The following SDK1 variants were observed in gnomAD, a reference collection of about 807,000 sequenced individuals.
SDK1 encodes sidekick cell adhesion molecule 1.
Under a neutral mutation model 245.5 loss-of-function variants are expected in SDK1, and 157 were observed. The observed-to-expected ratio is 0.64, with a 90% CI of 0.56 to 0.73. The LOEUF is 0.73. SDK1 is among the 30% of genes least tolerant of loss of function. The pLI is 0.00. For synonymous variants in SDK1, 1,647 were observed against 1,278.5 expected, an observed-to-expected ratio of 1.29 and a Z score of -6.15; for missense variants, 3,583 against 3,002.3, an observed-to-expected ratio of 1.19 and a Z score of -4.52.
intron 30 of SDK1, among the ~76,000 whole-genome samples, chr7:4,157,519 G>T (rs10236069): frequency 0.14 from 20,917 of 145,700 alleles, 2,893 homozygotes; most frequent in African/African-American, 0.36. Context: ...GCAAGGAGCG[G>T]GGAGGGAGGG....
intron 1 of SDK1, among the ~76,000 whole-genome samples, chr7:3,446,068 T>G (rs1780333246): frequency 6.6e-6 from 1 of 152,148 alleles, no homozygotes; most frequent in African/African-American, 2.4e-5. Flanking sequence ...TTGAAAAATG[T>G]TCTATTGCTC....
At chr7:3,447,427 C>CAA (rs1780373040) in intron 1 of SDK1, among the ~76,000 whole-genome samples, 1 of 152,032 alleles carries the variant, frequency 6.6e-6, no homozygotes, top group Non-Finnish European at 1.5e-5. Context: ...CACACACACA[C>CAA]TCACTTACTC....
intron 4 of SDK1, among the ~76,000 whole-genome samples, chr7:3,760,787 A>G (rs1410599596): frequency 6.6e-6 from 1 of 152,246 alleles, no homozygotes; most frequent in Admixed American, 6.5e-5. Flanking sequence ...AGGCAATATC[A>G]TTAGGATCAT....
chr7:3,532,835 CA>C (rs1562544562), intron 1 of SDK1, among the ~76,000 whole-genome samples: 2 of 152,034 alleles, frequency 1.3e-5, no homozygotes, highest in African/African-American at 4.8e-5. Flanking sequence ...GCGTTCTTGT[CA>C]CATGGCCCTC....
chr7:3,906,785 G>A (rs1440924083), intron 5 of SDK1, among the ~76,000 whole-genome samples: 2 of 151,906 alleles, frequency 1.3e-5, no homozygotes, highest in African/African-American at 4.8e-5. Flanking sequence ...ACGCCACCAT[G>A]TCCAGCTAAG....
intron 5 of SDK1, among the ~76,000 whole-genome samples, chr7:3,837,192 G>A (rs1352682353): frequency 5.9e-5 from 9 of 152,052 alleles, no homozygotes; most frequent in African/African-American, 2.2e-4. Flanking sequence ...TATTCCTATT[G>A]CATTTTCTTT....
At chr7:3,369,817 T>A (rs1241789240) in intron 1 of SDK1, among the ~76,000 whole-genome samples, 1 of 152,226 alleles carries the variant, frequency 6.6e-6, no homozygotes, top group Non-Finnish European at 1.5e-5. Flanking sequence ...GATTTTTCAC[T>A]TATTAAGAGT....
chr7:3,852,776 A>AAAAAAAAAT (rs1554271425), intron 5 of SDK1, among the ~76,000 whole-genome samples: 2 of 142,632 alleles, frequency 1.4e-5, no homozygotes, highest in African/African-American at 5.2e-5. Context: ...AAAAAAAAAA[A>AAAAAAAAAT]TTTTTTTCCT....
chr7:3,693,944 AGCTGCAT>A (rs371606431), intron 4 of SDK1, among the ~76,000 whole-genome samples: 8 of 152,278 alleles, frequency 5.3e-5, no homozygotes, highest in African/African-American at 1.9e-4. Context: ...TCTGACACTC[AGCTGCAT>A]GCTGCCTTGC....
intron 13 of SDK1, among the ~76,000 whole-genome samples, chr7:3,982,835 A>T (rs982179120): frequency 6.6e-6 from 1 of 151,608 alleles, no homozygotes; most frequent in Non-Finnish European, 1.5e-5. Flanking sequence ...GCGAGACAAC[A>T]TCTCAAAAAA....
intron 4 of SDK1, among the ~76,000 whole-genome samples, chr7:3,649,240 A>G (rs952165018): frequency 1.8e-4 from 27 of 152,184 alleles, no homozygotes; most frequent in Admixed American, 6.5e-5. Flanking sequence ...GAATTGAGTG[A>G]CTAAGGACAG....
At chr7:3,623,245 CTTT>C (rs1183056855) in intron 2 of SDK1, among the ~76,000 whole-genome samples, 9 of 117,956 alleles carry the variant, frequency 7.6e-5, no homozygotes, top group Admixed American at 9.3e-5. Flanking sequence ...TGTTGTATTT[CTTT>C]TTTTTTTTTT....
At chr7:4,080,872 A>G (rs1361261281) in intron 22 of SDK1, among the ~76,000 whole-genome samples, 1 of 152,198 alleles carries the variant, frequency 6.6e-6, no homozygotes, top group East Asian at 1.9e-4. Flanking sequence ...ATAAAATTAC[A>G]ATAAAAAAAG....
intron 7 of SDK1, among the ~76,000 whole-genome samples, chr7:3,957,214 C>G (rs577711756): frequency 2.6e-5 from 4 of 152,074 alleles, no homozygotes; most frequent in Non-Finnish European, 5.9e-5. Context: ...CACCCTTGTG[C>G]TGATGGACAC....
At chr7:3,575,241 C>A (rs988726803) in intron 1 of SDK1, among the ~76,000 whole-genome samples, 13 of 152,030 alleles carry the variant, frequency 8.6e-5, no homozygotes, top group African/African-American at 3.1e-4. Flanking sequence ...TCCTCACATG[C>A]CTTTGCTTGG....
At chr7:3,453,441 T>G (rs1248750316) in intron 1 of SDK1, among the ~76,000 whole-genome samples, 2 of 152,164 alleles carry the variant, frequency 1.3e-5, no homozygotes, top group African/African-American at 4.8e-5. Flanking sequence ...ATTCAGGATC[T>G]TGAGATGAAG....
intron 4 of SDK1, among the ~76,000 whole-genome samples, chr7:3,717,095 C>T (rs113739460): frequency 0.013 from 1,988 of 152,230 alleles, 58 homozygotes; most frequent in African/African-American, 0.046. Context: ...GATTTCAGTC[C>T]TTCCTTTGAA....
In SDK1 at chr7:3,475,058, A is replaced by G. The variant is rs116209597; in HGVS notation, c.299-144022A>G. ...TGGTACTCTCCCGTCCATTTTCCAC[A>G]TGGCAACCAGGATGATAATTTTAAA... is the stretch of plus-strand genomic sequence containing the variant. On this transcript the variant is annotated intron_variant, in intron 1 of 44. Transcript: ENST00000404826. 7.8e-3 allele frequency among the ~76,000 whole-genome samples: 1,180 copies of G among 152,250 alleles called. 13 individuals carry two copies. Among genetic ancestry groups the G allele is most frequent in the African/African-American group, 0.028 (1,147 of 41,538 alleles).
chr7:3,641,607 C>G (rs192708947), intron 3 of SDK1, among the ~76,000 whole-genome samples: 1 of 152,224 alleles, frequency 6.6e-6, no homozygotes, highest in African/African-American at 2.4e-5. Flanking sequence ...GACACATTTT[C>G]TGACAGTTTC....
Sources: allele counts gnomAD v4.1 joint callset (sites outside exome capture counted in the v4.1 genomes callset), GRCh38; gene constraint gnomAD v4.1.1; transcripts MANE v1.5; gene names NCBI Gene and HGNC (gene_info 2026-07-23, HGNC 2026-07-21).